CRKL: variants seen among roughly 807,000 people sequenced by gnomAD.
CRKL encodes CRK like proto-oncogene, adaptor protein.
A neutral mutation model predicts 23.0 loss-of-function variants in CRKL; 3 were observed. The observed-to-expected ratio is 0.13, with a 90% CI of 0.06 to 0.34. The LOEUF (loss-of-function observed/expected upper bound fraction) is 0.34, where lower values mean the gene tolerates loss of function less well. Among genes scored for constraint, CRKL ranks in the 10% least tolerant of loss-of-function variants. CRKL has a pLI of 1.00. For missense variants in CRKL, 256 were observed against 394.5 expected (o/e 0.65, Z 2.97); for synonymous variants, 188 against 160.7 (o/e 1.17, Z -1.28).
chr22:20,923,880 T>TAA (rs774192484), intron 1 of CRKL, among the ~76,000 whole-genome samples: 6 of 137,610 alleles, frequency 4.4e-5, no homozygotes, highest in Admixed American at 7.3e-5. Flanking sequence ...GCCTGGCTAC[T>TAA]AAAAAAAAAA....
Position 20,934,056 on chromosome 22 carries a change from A to G in CRKL, c.589A>G (p.Ser197Gly), listed in dbSNP as rs749349384. 6.2e-7 allele frequency: 1 copy of G among 1,614,198 alleles called. No homozygotes were observed. Among genetic ancestry groups the G allele is most frequent in the East Asian group, 2.2e-5 (1 of 44,884 alleles). ...HGKHGNRNSN[S>G]YGIPEPAHAY... ...AAAGCATGGAAATAGGAATTCCAAC[A>G]GTTATGGGATCCCAGAACCTGCTCA... is the stretch of plus-strand genomic sequence containing the variant. Residue 197 changes from serine (S) to glycine (G), a missense_variant, in exon 2 of 3, where the codon AGT (serine) becomes GGT (glycine). By Grantham distance (56) the Ser-to-Gly change is moderately conservative. Transcript: ENST00000354336.
rs55853175 is a variant in CRKL, at chr22:20,940,566, CT to C, written c.777+6342del. On this transcript the variant is annotated intron_variant, in intron 2 of 2. Coordinates refer to ENST00000354336, the MANE Select transcript of CRKL (RefSeq NM_005207.4). Reference sequence around the variant, plus strand: ...CACCCTTTCCTCATCTTTGGTGCTCCTTTTTTTTTTTTTTTTTTTTGGCATT... The same window carrying C: ...CACCCTTTCCTCATCTTTGGTGCTCCTTTTTTTTTTTTTTTTTTTGGCATT... Among the ~76,000 whole-genome samples the C allele has an allele frequency of 5.0e-3, 675 of 134,894 alleles. 5 individuals are homozygous for C. The highest frequency in any genetic ancestry group is 0.017 in the African/African-American group (572 of 33,020). 88.5% of individuals were successfully genotyped at this position (134,894 alleles called of 152,430 possible).
At position 20,950,406 on chromosome 22, in the gene CRKL, TTTTG is replaced by T. The variant is rs368709446; in HGVS notation, c.*569_*572del. 242 of 232,480 alleles carry T rather than the reference TTTTG, an allele frequency of 1.0e-3. 1 individual carries two copies. The highest frequency in any genetic ancestry group is 4.9e-3 in the African/African-American group (220 of 45,268). The allele number at this position is 232,480 out of a possible 1,614,324, so 14.4% of individuals were successfully genotyped here. On this transcript the variant is annotated 3_prime_UTR_variant, in exon 3 of 3. Transcript: ENST00000354336. ...TGTGTGGGGGTTTTTTTTTGTTTTG[TTTTG>T]TTTGTTTTGTTTTGTTTTTTTGAGA...
intron 2 of CRKL, among the ~76,000 whole-genome samples, chr22:20,937,351 G>A (rs188565752): frequency 2.4e-4 from 37 of 151,774 alleles, no homozygotes; most frequent in African/African-American, 8.5e-4. Flanking sequence ...GGTGTGACTC[G>A]TGTGTGTTTG....
chr22:20,917,810 T>G lies in CRKL; in HGVS notation c.-125T>G. 1 of 931,450 alleles carries G rather than the reference T, an allele frequency of 1.1e-6. No individual in the cohort carries two copies. The allele number at this position is 931,450 out of a possible 1,614,324, so 57.7% of individuals were successfully genotyped here. On this transcript the variant is annotated 5_prime_UTR_variant, in exon 1 of 3. It removes the in-frame stop codon of an upstream open reading frame in the 5' UTR. Transcript: ENST00000354336. ...AGAGGAAAGTGCTGGCCCAGCCCTC[T>G]GAGCGCTCCTCGAGGTGTGCGAGAG...
intron 1 of CRKL, among the ~76,000 whole-genome samples, chr22:20,927,793 A>G (rs1921279337): frequency 7.2e-6 from 1 of 139,424 alleles, no homozygotes; most frequent in African/African-American, 2.7e-5. Context: ...CAATGAGTTG[A>G]GATCGCACCA....
At chr22:20,922,122 C>T (rs1921017051) in intron 1 of CRKL, among the ~76,000 whole-genome samples, 1 of 150,774 alleles carries the variant, frequency 6.6e-6, no homozygotes, top group Non-Finnish European at 1.5e-5. Context: ...AAGTGATTCT[C>T]CTACCTCAGC....
At chr22:20,934,412 C>T (rs1018870789) in intron 2 of CRKL, among the ~76,000 whole-genome samples, 168 bp downstream of exon 2, 1 of 152,106 alleles carries the variant, frequency 6.6e-6, no homozygotes, top group South Asian at 2.1e-4. Flanking sequence ...TTTATAGAGA[C>T]GAGGTCTCTA....
chr22:20,935,630 G>A (rs1005773722), intron 2 of CRKL, among the ~76,000 whole-genome samples: 1 of 150,684 alleles, frequency 6.6e-6, no homozygotes, highest in Non-Finnish European at 1.5e-5. Flanking sequence ...GAGTTCAAGT[G>A]ATTCTCCTGC....
chr22:20,948,058 T>C (rs1296513552), intron 2 of CRKL, among the ~76,000 whole-genome samples: 1 of 152,220 alleles, frequency 6.6e-6, no homozygotes, highest in Non-Finnish European at 1.5e-5. Flanking sequence ...CAGAAGTTTT[T>C]TAAGGATACG....
rs148367688 is a variant in CRKL, at chr22:20,924,169, CAG to C, written c.311+5927_311+5928del. Among the ~76,000 whole-genome samples, 898 of 152,262 alleles carry C rather than the reference CAG, an allele frequency of 5.9e-3. 8 individuals carry two copies. The highest frequency in any genetic ancestry group is 0.054 in the East Asian group (282 of 5,176). On this transcript the variant is annotated intron_variant, in intron 1 of 2. Coordinates refer to ENST00000354336, the MANE Select transcript of CRKL (RefSeq NM_005207.4). ...TGCCACTGCACTTCAGCCTGGGCAA[CAG>C]AGCCAGACCTTGTCTCAAAAAATGA...
In CRKL at chr22:20,918,036, T is replaced by G. The variant is rs149380918; in HGVS notation, c.102T>G (p.Gly34=). 3.7e-5 allele frequency: 59 copies of G among 1,614,056 alleles called. 1 individual carries two copies. In the African/African-American group the frequency reaches 7.2e-4, roughly 20 times the overall value. ...AQTRLQGQRH[G]MFLVRDSSTC... is the part of the protein sequence containing the mutation. ...CCCGGCTCCAGGGCCAGCGCCACGG[T>G]ATGTTCCTCGTCCGCGATTCTTCCA... is the stretch of plus-strand genomic sequence containing the variant. Residue 34 remains glycine (G), a synonymous_variant, in exon 1 of 3, where the codon GGT becomes GGG. Transcript: ENST00000354336.
intron 2 of CRKL, among the ~76,000 whole-genome samples, chr22:20,940,419 A>G (rs1921827848): frequency 6.6e-6 from 1 of 152,298 alleles, no homozygotes; most frequent in African/African-American, 2.4e-5. Context: ...CTTTTGACAA[A>G]AAACAAGAGA....
intron 1 of CRKL, among the ~76,000 whole-genome samples, chr22:20,923,576 ATTTT>A (rs34489759): frequency 1.7e-5 from 2 of 119,854 alleles, no homozygotes; most frequent in Non-Finnish European, 3.4e-5. Flanking sequence ...CGCGCCTGGC[ATTTT>A]TTTTTTTTTT....
intron 2 of CRKL, among the ~76,000 whole-genome samples, chr22:20,947,836 T>C (rs1372055958): frequency 6.6e-6 from 1 of 151,932 alleles, no homozygotes; most frequent in South Asian, 2.1e-4. Context: ...TGCAGGTGCA[T>C]GCCACCACGC....
At chr22:20,947,225 T>A (rs1922095183) in intron 2 of CRKL, among the ~76,000 whole-genome samples, 2 of 150,958 alleles carry the variant, frequency 1.3e-5, no homozygotes, top group South Asian at 4.2e-4. Flanking sequence ...CTTTTATGTG[T>A]TTTCTGTCTC....
intron 1 of CRKL, among the ~76,000 whole-genome samples, chr22:20,919,077 C>T (rs1432065080): frequency 1.3e-5 from 2 of 151,168 alleles, no homozygotes; most frequent in African/African-American, 4.9e-5. Flanking sequence ...AGGACTGCAG[C>T]CTTTGGAACA....
chr22:20,949,531 G>A (rs559301217), intron 2 of CRKL, among the ~76,000 whole-genome samples, 180 bp from the exon 3 acceptor site: 13 of 152,336 alleles, frequency 8.5e-5, no homozygotes, highest in African/African-American at 1.9e-4. Context: ...GAGCCCAGGC[G>A]TTAGAGGTTA....
intron 1 of CRKL, among the ~76,000 whole-genome samples, chr22:20,932,388 C>G (rs62238491): frequency 6.6e-6 from 1 of 152,086 alleles, no homozygotes; most frequent in South Asian, 2.1e-4. Flanking sequence ...TGAGCCACCA[C>G]GCCTGGTGGA....
Sources: gnomAD v4.1 joint callset for allele counts (sites outside exome capture counted in the v4.1 genomes callset) on GRCh38, gnomAD v4.1.1 for gene constraint, MANE v1.5 for transcripts, NCBI Gene and HGNC (gene_info 2026-07-23, HGNC 2026-07-21) for gene names.